The following PCDHA5 variants were observed in gnomAD, a reference collection of about 807,000 sequenced individuals.
The protein encoded by PCDHA5 is protocadherin alpha 5.
Under a neutral mutation model 61.6 loss-of-function variants are expected in PCDHA5, and 43 were observed. That is an observed-to-expected ratio of 0.70 (90% CI 0.55 to 0.90). The LOEUF (loss-of-function observed/expected upper bound fraction) is 0.90, where lower values mean the gene tolerates loss of function less well. Ranked by LOEUF, PCDHA5 falls within the 40% of genes least tolerant of loss-of-function variation. The pLI is 0.00. For missense variants in PCDHA5, 1,298 were observed against 1,222.7 expected, an observed-to-expected ratio of 1.06 and a Z score of -0.92; for synonymous variants, 627 against 543.9, an observed-to-expected ratio of 1.15 and a Z score of -2.13.
intron 3 of PCDHA5, among the ~76,000 whole-genome samples, chr5:141,006,870 G>A (rs782345830): frequency 1.1e-4 from 16 of 152,174 alleles, no homozygotes; most frequent in Non-Finnish European, 1.5e-4. Flanking sequence ...GAATAGATTC[G>A]AGGAATCAAG....
intron 1 of PCDHA5, among the ~76,000 whole-genome samples, chr5:140,913,794 T>A: frequency 6.6e-6 from 1 of 152,194 alleles, no homozygotes. Context: ...ATCATTTGTT[T>A]GAATCAAATT....
chr5:140,938,086 TTTA>T (rs1189650554), intron 1 of PCDHA5, among the ~76,000 whole-genome samples: 6 of 152,142 alleles, frequency 3.9e-5, no homozygotes, highest in African/African-American at 1.4e-4. Flanking sequence ...TAATGTTAGT[TTTA>T]TTATTGTATT....
rs1480573105 is a variant in PCDHA5 at position 140,822,786 on chromosome 5, G to C, written c.1011G>C (p.Val337=). ...TATCAGGACACTGTAAAGTAGTAGT[G>C]AAACTCCTGGATGTGAATGATAATA... The part of the protein sequence containing the change: ...FPLSGHCKVV[V]KLLDVNDNTP... The change falls in exon 1 of 4, where the codon GTG becomes GTC. Residue 337 remains valine (V), a synonymous_variant. Transcript: ENST00000529859. 1 of 1,613,980 alleles carries C rather than the reference G, an allele frequency of 6.2e-7. No individual in the cohort carries two copies. Among genetic ancestry groups the C allele is most frequent in the African/African-American group, 1.3e-5 (1 of 74,920 alleles).
intron 2 of PCDHA5, among the ~76,000 whole-genome samples, chr5:140,979,939 T>A (rs2096870929): frequency 6.6e-6 from 1 of 152,210 alleles, no homozygotes; most frequent in African/African-American, 2.4e-5. Context: ...ATGTGTAGAG[T>A]TAATGTGAAA....
chr5:140,993,270 G>A (rs190721014), intron 3 of PCDHA5, among the ~76,000 whole-genome samples: 360 of 151,912 alleles, frequency 2.4e-3, no homozygotes, highest in African/African-American at 8.3e-3. Context: ...AGCTTCTTTG[G>A]TCTTTTCTTG....
intron 1 of PCDHA5, among the ~76,000 whole-genome samples, chr5:140,845,336 T>C (rs2150378543): frequency 6.7e-6 from 1 of 149,694 alleles, no homozygotes; most frequent in Non-Finnish European, 1.5e-5. Context: ...TACTGAATTC[T>C]CCTAAACATT....
At chr5:140,905,130 G>A (rs2071615464) in intron 1 of PCDHA5, among the ~76,000 whole-genome samples, 1 of 152,178 alleles carries the variant, frequency 6.6e-6, no homozygotes, top group African/African-American at 2.4e-5. Flanking sequence ...GTCTAGAAGA[G>A]TTTTTCTGCT....
At chr5:140,897,803 C>A (rs1285512803) in intron 1 of PCDHA5, among the ~76,000 whole-genome samples, 2 of 152,130 alleles carry the variant, frequency 1.3e-5, no homozygotes, top group Non-Finnish European at 2.9e-5. Flanking sequence ...AGAGTCCCAC[C>A]AACAGTGTAA....
chr5:140,908,399 C>T (rs180728730), intron 1 of PCDHA5, among the ~76,000 whole-genome samples: 51 of 152,258 alleles, frequency 3.3e-4, no homozygotes, highest in African/African-American at 9.9e-4. Flanking sequence ...ACATATATAC[C>T]ACTTCCATTT....
In PCDHA5 at chr5:141,007,955, C is replaced by T. The variant is rs192197811; in HGVS notation, c.2501-1672C>T. ...CTAAGCCACCTTTTTGAGAACTGCT[C>T]ATTCTCTGGGTGTCTGTCATGTATA... On this transcript the variant is annotated intron_variant, in intron 3 of 3. Transcript: ENST00000529859. 2.6e-5 allele frequency among the ~76,000 whole-genome samples: 4 copies of T among 152,294 alleles called. No homozygotes were observed. In the East Asian group the frequency reaches 7.7e-4, roughly 29 times the overall value.
chr5:140,827,104 T>A (rs1424454737), intron 1 of PCDHA5, among the ~76,000 whole-genome samples: 1 of 152,180 alleles, frequency 6.6e-6, no homozygotes, highest in Non-Finnish European at 1.5e-5. Flanking sequence ...AGTCAGCATG[T>A]ATAGGTGAAA....
intron 1 of PCDHA5, chr5:140,830,026 C>T: frequency 1.2e-6 from 2 of 1,613,904 alleles, no homozygotes; most frequent in Non-Finnish European, 1.7e-6. Context: ...CTCCGCGCCA[C>T]CGGCTGCTGG....
chr5:140,891,148 A>C (rs913917156), intron 1 of PCDHA5, among the ~76,000 whole-genome samples: 2 of 151,726 alleles, frequency 1.3e-5, no homozygotes, highest in Non-Finnish European at 2.9e-5. Flanking sequence ...TATTCTGTTT[A>C]TTTTCCTTTG....
intron 1 of PCDHA5, chr5:140,842,493 C>A: frequency 6.2e-7 from 1 of 1,613,856 alleles, no homozygotes; most frequent in Non-Finnish European, 8.5e-7. Context: ...TCCCTGATGC[C>A]CCATGTCCCC....
rs2150128534 is a variant in PCDHA5 at position 140,823,728 on chromosome 5, G to A, written c.1953G>A (p.Lys651=). 4.8e-5 allele frequency: 77 copies of A among 1,613,922 alleles called. No individual in the cohort carries two copies. The highest frequency in any genetic ancestry group is 2.2e-5 in the South Asian group (2 of 91,086). The part of the protein sequence containing the change: ...APRHRLLVLV[K]DHGEPPLTAT... ...GCCACCGCCTTCTGGTGCTGGTGAA[G>A]GACCATGGAGAGCCCCCGCTGACAG... is the stretch of plus-strand genomic sequence containing the variant. Residue 651 remains lysine (K), a synonymous_variant, in exon 1 of 4, where the codon AAG becomes AAA. Transcript: ENST00000529859.
intron 1 of PCDHA5, among the ~76,000 whole-genome samples, chr5:140,917,523 G>A (rs1201312809): frequency 2.0e-5 from 3 of 152,182 alleles, no homozygotes; most frequent in Non-Finnish European, 4.4e-5. Context: ...TTATTCTACG[G>A]TTTGTATAGT....
chr5:140,848,526 G>T lies in PCDHA5; in HGVS notation c.2352+24399G>T. 1.9e-6 allele frequency: 3 copies of T among 1,594,384 alleles called. No individual in the cohort carries two copies. Among genetic ancestry groups the T allele is most frequent in the Non-Finnish European group, 2.6e-6 (3 of 1,164,792 alleles). ...ATACTCAAGTCGAGGAGATCCAGAGGGTCAGCCTCTACTGCTCTCGCTTCT... is the reference window on the plus strand; with the variant it reads ...ATACTCAAGTCGAGGAGATCCAGAGTGTCAGCCTCTACTGCTCTCGCTTCT... On this transcript the variant is annotated intron_variant, in intron 1 of 3. Coordinates refer to ENST00000529859, the MANE Select transcript of PCDHA5 (RefSeq NM_018908.3).
chr5:140,977,383 G>A (rs2096759264), intron 1 of PCDHA5, among the ~76,000 whole-genome samples: 1 of 152,134 alleles, frequency 6.6e-6, no homozygotes, highest in Non-Finnish European at 1.5e-5. Context: ...ATATTTCCAG[G>A]TTTATAAAAT....
chr5:140,887,081 T>C (rs2061290342), intron 1 of PCDHA5, among the ~76,000 whole-genome samples: 1 of 152,076 alleles, frequency 6.6e-6, no homozygotes, highest in Non-Finnish European at 1.5e-5. Context: ...TCAGCTTTTG[T>C]CTGAGAAATA....
Sources: gnomAD v4.1 joint callset for allele counts (sites outside exome capture counted in the v4.1 genomes callset) on GRCh38, gnomAD v4.1.1 for gene constraint, MANE v1.5 for transcripts, NCBI Gene and HGNC (gene_info 2026-07-23, HGNC 2026-07-21) for gene names.